PDE4B: variants seen among roughly 807,000 people sequenced by gnomAD.
The protein encoded by PDE4B is phosphodiesterase 4B.
In PDE4B, 20 loss-of-function variants were observed where a neutral mutation model predicts 82.2. That is an observed-to-expected ratio of 0.24 (90% CI 0.17 to 0.35). The LOEUF (loss-of-function observed/expected upper bound fraction) is 0.35. Among genes scored for constraint, PDE4B ranks in the 10% least tolerant of loss-of-function variants. The pLI, the probability that PDE4B is intolerant of heterozygous loss-of-function variation, is 1.00. For synonymous variants in PDE4B, 320 were observed against 318.9 expected (o/e 1.00, Z -0.04); for missense variants, 655 against 907.2 (o/e 0.72, Z 3.57).
intron 7 of PDE4B, among the ~76,000 whole-genome samples, chr1:66,315,563 C>G (rs979489525): frequency 2.0e-5 from 3 of 152,192 alleles, no homozygotes; most frequent in Admixed American, 2.0e-4. Flanking sequence ...TCAAGCGATG[C>G]TCCTGCCTCA....
intron 1 of PDE4B, among the ~76,000 whole-genome samples, chr1:65,864,081 C>A (rs1646483724): frequency 6.6e-6 from 1 of 151,820 alleles, no homozygotes; most frequent in African/African-American, 2.4e-5. Flanking sequence ...TTACTGTAAT[C>A]TTGTCTTTAT....
At chr1:66,028,482 A>G (rs1482226581) in intron 3 of PDE4B, among the ~76,000 whole-genome samples, 1 of 152,164 alleles carries the variant, frequency 6.6e-6, no homozygotes, top group African/African-American at 2.4e-5. Context: ...GATTAACATT[A>G]GACTCCTTGC....
chr1:66,331,760 C>A, intron 7 of PDE4B: 1 of 985,396 alleles, frequency 1.0e-6, no homozygotes. Context: ...TTTAGTATAA[C>A]AAGAGCTGCA....
chr1:66,101,450 T>A (rs548355537), intron 3 of PDE4B, among the ~76,000 whole-genome samples: 22 of 152,244 alleles, frequency 1.4e-4, no homozygotes, highest in African/African-American at 4.3e-4. Flanking sequence ...TCCCACAAAC[T>A]GTGTAAAAGC....
intron 3 of PDE4B, among the ~76,000 whole-genome samples, chr1:66,174,859 A>T (rs1372094985): frequency 6.6e-6 from 1 of 152,188 alleles, no homozygotes; most frequent in African/African-American, 2.4e-5. Context: ...CCACAGGCTA[A>T]ACAGGAAGCA....
intron 7 of PDE4B, among the ~76,000 whole-genome samples, chr1:66,284,509 C>T (rs1656528058): frequency 6.6e-6 from 1 of 151,968 alleles, no homozygotes; most frequent in South Asian, 2.1e-4. Context: ...CAAATGGAGG[C>T]CAGCCAGGTG....
intron 3 of PDE4B, among the ~76,000 whole-genome samples, chr1:66,176,497 G>A (rs1216813796): frequency 6.6e-6 from 1 of 152,174 alleles, no homozygotes; most frequent in Non-Finnish European, 1.5e-5. Flanking sequence ...GAAGGTTGAA[G>A]GAAATAAATC....
At chr1:65,931,818 G>A (rs1647849921) in intron 3 of PDE4B, among the ~76,000 whole-genome samples, 1 of 152,216 alleles carries the variant, frequency 6.6e-6, no homozygotes, top group South Asian at 2.1e-4. Flanking sequence ...GAGTAAAAGA[G>A]TTGGACCATG....
chr1:66,342,702 C>T (rs1661089370), intron 8 of PDE4B, among the ~76,000 whole-genome samples: 1 of 150,190 alleles, frequency 6.7e-6, no homozygotes, highest in Non-Finnish European at 1.5e-5. Flanking sequence ...TGAACTCCAG[C>T]CTGGGCAACA....
At chr1:65,939,592 T>C (rs1410456852) in intron 3 of PDE4B, among the ~76,000 whole-genome samples, 4 of 152,054 alleles carry the variant, frequency 2.6e-5, no homozygotes, top group Admixed American at 6.6e-5. Flanking sequence ...AGATATACAG[T>C]CATAATGGAG....
chr1:66,088,000 C>T (rs1020424532), intron 3 of PDE4B, among the ~76,000 whole-genome samples: 30 of 151,658 alleles, frequency 2.0e-4, no homozygotes, highest in African/African-American at 7.0e-4. Context: ...CACATGTACC[C>T]TAAAACTTAA....
chr1:66,298,054 CT>C lies in PDE4B; in HGVS notation c.634+31969del, dbSNP rs1657633788. Among the ~76,000 whole-genome samples the C allele has an allele frequency of 3.3e-5, 5 of 152,228 alleles. No individual in the cohort carries two copies. In the South Asian group the frequency reaches 1.0e-3, roughly 32 times the overall value. On this transcript the variant is annotated intron_variant, in intron 7 of 16. Coordinates refer to ENST00000341517, the MANE Select transcript of PDE4B (RefSeq NM_002600.4). ...CAAAGTGCACTCCTTATCATAAACT[CT>C]TGAGATACATACTAAGATGATATAA...
intron 1 of PDE4B, among the ~76,000 whole-genome samples, chr1:65,861,832 T>C (rs182908744): frequency 7.2e-5 from 11 of 152,332 alleles, no homozygotes; most frequent in African/African-American, 2.6e-4. Flanking sequence ...AGTTCACTCA[T>C]GATTTGGCTC....
At chr1:66,013,148 C>T (rs1652580356) in intron 3 of PDE4B, among the ~76,000 whole-genome samples, 1 of 152,082 alleles carries the variant, frequency 6.6e-6, no homozygotes, top group East Asian at 1.9e-4. Flanking sequence ...TTGAATTGCA[C>T]ACTTTGTGTA....
intron 3 of PDE4B, among the ~76,000 whole-genome samples, chr1:66,201,872 T>A (rs2101536238): frequency 6.6e-6 from 1 of 152,164 alleles, no homozygotes; most frequent in Admixed American, 6.5e-5. Flanking sequence ...TTTTAGTTAT[T>A]TCTTGCCTTC....
At chr1:66,303,280 G>A (rs906003058) in intron 7 of PDE4B, among the ~76,000 whole-genome samples, 1 of 151,482 alleles carries the variant, frequency 6.6e-6, no homozygotes, top group Non-Finnish European at 1.5e-5. Flanking sequence ...CTTTATTAAG[G>A]TATAATGGAC....
At chr1:66,262,665 A>G (rs890402285) in intron 6 of PDE4B, among the ~76,000 whole-genome samples, 1 of 152,204 alleles carries the variant, frequency 6.6e-6, no homozygotes, top group African/African-American at 2.4e-5. Flanking sequence ...CCTACAAGCA[A>G]TCATGTGGCT....
At chr1:65,888,963 C>T (rs1016437986) in intron 1 of PDE4B, among the ~76,000 whole-genome samples, 2 of 152,056 alleles carry the variant, frequency 1.3e-5, no homozygotes, top group Admixed American at 1.3e-4. Context: ...GCTAGGACTT[C>T]CAATACTATG....
At chr1:65,973,809 G>GT (rs71763578) in intron 3 of PDE4B, among the ~76,000 whole-genome samples, 15 of 150,124 alleles carry the variant, frequency 1.0e-4, no homozygotes, top group South Asian at 2.1e-4. Context: ...GTAGCACTGG[G>GT]TTTTTTTTTT....
Sources: allele counts gnomAD v4.1 joint callset (sites outside exome capture counted in the v4.1 genomes callset), GRCh38; gene constraint gnomAD v4.1.1; transcripts MANE v1.5; gene names NCBI Gene and HGNC (gene_info 2026-07-23, HGNC 2026-07-21).